TSHR: variants seen among roughly 807,000 people sequenced by gnomAD.
TSHR encodes the protein thyroid stimulating hormone receptor, also known as thyrotropin receptor.
In TSHR, 51 loss-of-function variants were observed where a neutral mutation model predicts 64.1. The observed-to-expected ratio is 0.80, with a 90% CI of 0.64 to 1.01. The LOEUF (loss-of-function observed/expected upper bound fraction) is 1.01, where lower values mean the gene tolerates loss of function less well. Among genes scored for constraint, TSHR ranks in the 50% least tolerant of loss-of-function variants. TSHR has a pLI of 0.00. For missense variants in TSHR, 877 were observed against 942.8 expected, an observed-to-expected ratio of 0.93 and a Z score of 0.91; for synonymous variants, 361 against 361.9, an observed-to-expected ratio of 1.00 and a Z score of 0.03.
chr14:80,981,292 T>G (rs1888153514), intron 1 of TSHR, among the ~76,000 whole-genome samples: 1 of 152,190 alleles, frequency 6.6e-6, no homozygotes, highest in African/African-American at 2.4e-5. Flanking sequence ...CACACAAGTT[T>G]ATGGGCAAGG....
chr14:81,096,708 G>C lies in TSHR; in HGVS notation c.614+1G>C. 2 of 1,613,408 alleles carry C rather than the reference G, an allele frequency of 1.2e-6. No individual in the cohort carries two copies. The highest frequency in any genetic ancestry group is 1.7e-6 in the Non-Finnish European group (2 of 1,179,548). ...TCAATGGGACAAAGCTGGATGCTGT[G>C]TAAGTCAAGGGTAGCCATGAAAACT... On this transcript the variant is annotated splice_donor_variant, in intron 7 of 9. Transcript: ENST00000298171. LOFTEE classifies it high-confidence loss of function.
chr14:81,080,528 A>G (rs1887826596), intron 3 of TSHR, among the ~76,000 whole-genome samples: 1 of 152,148 alleles, frequency 6.6e-6, no homozygotes, highest in Admixed American at 6.5e-5. Context: ...AATTTTCTTC[A>G]ATGTGCTTTA....
In TSHR at chr14:80,970,564, C is replaced by T. The variant is rs1414003303; in HGVS notation, c.170+14714C>T. On this transcript the variant is annotated intron_variant, in intron 1 of 9. Transcript: ENST00000298171. ...TGGCGAGTCCACAGAATATCCTTGTCCAGGATGGATATCTGTAGTGTTGTA... is the reference window on the plus strand; with the variant it reads ...TGGCGAGTCCACAGAATATCCTTGTTCAGGATGGATATCTGTAGTGTTGTA... Among the ~76,000 whole-genome samples the T allele has an allele frequency of 3.3e-5, 5 of 152,222 alleles. No individual in the cohort carries two copies. In the East Asian group the frequency reaches 7.7e-4, roughly 23 times the overall value.
intron 8 of TSHR, among the ~76,000 whole-genome samples, chr14:81,109,281 T>C (rs1595130388): frequency 6.7e-6 from 1 of 149,380 alleles, no homozygotes; most frequent in African/African-American, 2.5e-5. Flanking sequence ...TAGTGGCGGG[T>C]GCCTGTAGTC....
intron 1 of TSHR, among the ~76,000 whole-genome samples, chr14:81,016,938 T>C (rs999279508): frequency 6.6e-6 from 1 of 152,236 alleles, no homozygotes; most frequent in African/African-American, 2.4e-5. Context: ...ACAGTTACAA[T>C]GTTAGATGTG....
chr14:81,084,236 T>C (rs191629998), intron 3 of TSHR, among the ~76,000 whole-genome samples: 146 of 152,348 alleles, frequency 9.6e-4, no homozygotes, highest in African/African-American at 3.1e-3. Flanking sequence ...CCTCGCTCCA[T>C]AAAACAGCAT....
Position 81,067,996 on chromosome 14 carries a change from G to A in TSHR, c.243-258G>A, listed in dbSNP as rs1420597480. On this transcript the variant is annotated intron_variant, in intron 2 of 9. Transcript: ENST00000298171. ...GGGAAATTTTAATCAGGGAGTTTGG[G>A]GAAAGTTTCTGAAGGAAGTGACAGT... Among the ~76,000 whole-genome samples the A allele has an allele frequency of 5.0e-5, 7 of 139,978 alleles. No homozygotes were observed. In the Admixed American group the frequency reaches 5.0e-4, roughly 10 times the overall value. 91.8% of individuals were successfully genotyped at this position (139,978 alleles called of 152,430 possible). A position where few individuals can be genotyped will look rare whatever the true frequency, so the allele number is the denominator to read the frequency against.
chr14:81,103,026 A>C lies in TSHR; in HGVS notation c.615-5349A>C. 1 of 985,446 alleles carries C rather than the reference A, an allele frequency of 1.0e-6. No homozygotes were observed. The highest frequency in any genetic ancestry group is 1.7e-5 in the African/African-American group (1 of 57,360). 61.0% of individuals were successfully genotyped at this position (985,446 alleles called of 1,614,324 possible). ...TAAGTTTCTGACTCCTAGTCAATAG[A>C]AATTTATTCTTTCCTAGATTTAAGC... On this transcript the variant is annotated intron_variant, in intron 7 of 9. Transcript: ENST00000298171. This position sits in a 1 kb window ranked among gnomAD's most constrained non-coding sequence, Gnocchi z 4.1.
chr14:80,969,757 A>G (rs887861455), intron 1 of TSHR, among the ~76,000 whole-genome samples: 5 of 152,236 alleles, frequency 3.3e-5, no homozygotes, highest in Admixed American at 6.5e-5. Flanking sequence ...ACCGCAAACC[A>G]GAGTAATCAG....
chr14:80,967,581 G>A (rs1009593159), intron 1 of TSHR, among the ~76,000 whole-genome samples: 9 of 151,992 alleles, frequency 5.9e-5, no homozygotes, highest in Non-Finnish European at 8.8e-5. Flanking sequence ...CACCCCGCCC[G>A]GCCCTGACCT....
chr14:81,112,878 G>T (rs117989302), intron 8 of TSHR, among the ~76,000 whole-genome samples: 6 of 152,204 alleles, frequency 3.9e-5, no homozygotes, highest in Non-Finnish European at 8.8e-5. Flanking sequence ...GGCCATTGCC[G>T]CTCAAACAGA....
chr14:81,048,087 G>T (rs1885256666), intron 1 of TSHR, among the ~76,000 whole-genome samples: 1 of 151,976 alleles, frequency 6.6e-6, no homozygotes, highest in African/African-American at 2.4e-5. Flanking sequence ...TATCTACCTT[G>T]CTTTCTCTTC....
chr14:81,075,336 CT>C (rs902230485), intron 3 of TSHR, among the ~76,000 whole-genome samples: 2 of 152,168 alleles, frequency 1.3e-5, no homozygotes, highest in Admixed American at 6.5e-5. Flanking sequence ...ATGAATTATT[CT>C]TTGCTCAATT....
chr14:81,092,278 C>T (rs1282848409), intron 5 of TSHR, among the ~76,000 whole-genome samples: 1 of 152,096 alleles, frequency 6.6e-6, no homozygotes, highest in Admixed American at 6.6e-5. Context: ...AGGATTAAGT[C>T]AGGGACCTCC....
chr14:81,108,908 G>A (rs1163494592), intron 8 of TSHR: 1 of 1,415,440 alleles, frequency 7.1e-7, no homozygotes, highest in Admixed American at 2.9e-5. Context: ...CAATCATGGG[G>A]AAAGATGGAA....
chr14:81,143,247 G>T lies in TSHR; in HGVS notation c.1189G>T (p.Val397Leu), dbSNP rs1477988461. Residue 397 changes from valine (V) to leucine (L), a missense_variant, in exon 10 of 10, where the codon GTG (valine) becomes TTG (leucine). Physicochemically the swap from Val to Leu is conservative, Grantham distance 32 (BLOSUM62 1). Coordinates refer to ENST00000298171, the MANE Select transcript of TSHR (RefSeq NM_000369.5). ...CATATGTGGGGACAGTGAAGACATG[G>T]TGTGTACCCCCAAGTCCGATGAGTT... is the stretch of plus-strand genomic sequence containing the variant. ...YTICGDSEDM[V>L]CTPKSDEFNP... 2 of 1,614,080 alleles carry T rather than the reference G, an allele frequency of 1.2e-6. No individual in the cohort carries two copies. Among genetic ancestry groups the T allele is most frequent in the East Asian group, 2.2e-5 (1 of 44,894 alleles).
chr14:81,087,512 T>C (rs1465837792), intron 3 of TSHR: 1 of 258,316 alleles, frequency 3.9e-6, no homozygotes, highest in Non-Finnish European at 7.5e-6. Flanking sequence ...TTACTGTCCA[T>C]CTTGCTGTGC....
At chr14:81,008,032 G>A (rs1889695311) in intron 1 of TSHR, among the ~76,000 whole-genome samples, 1 of 152,102 alleles carries the variant, frequency 6.6e-6, no homozygotes, top group African/African-American at 2.4e-5. Flanking sequence ...ACTTGTGGAG[G>A]GTTGGAGAGT....
At chr14:81,080,644 T>C (rs1887836467) in intron 3 of TSHR, among the ~76,000 whole-genome samples, 1 of 152,214 alleles carries the variant, frequency 6.6e-6, no homozygotes, top group Non-Finnish European at 1.5e-5. Flanking sequence ...TTATAGATTA[T>C]TTCTTTCCTC....
Sources: gnomAD v4.1 joint callset for allele counts (sites outside exome capture counted in the v4.1 genomes callset) on GRCh38, gnomAD v4.1.1 for gene constraint, Gnocchi (gnomAD v3.1) non-coding constraint, MANE v1.5 for transcripts, NCBI Gene and HGNC (gene_info 2026-07-23, HGNC 2026-07-21) for gene names.